Variants in FAT3 observed in about 807,000 individuals in gnomAD.
The protein encoded by FAT3 is protocadherin Fat 3.
In FAT3, 95 loss-of-function variants were observed where a neutral mutation model predicts 310.2. The ratio of observed to expected loss-of-function variants is 0.31; its 90% CI spans 0.26 to 0.36. FAT3 has a LOEUF of 0.36. Ranked by LOEUF, FAT3 falls within the 10% of genes least tolerant of loss-of-function variation. The pLI is 1.00. For synonymous variants in FAT3, 2,314 were observed against 2,192.9 expected, an observed-to-expected ratio of 1.06 and a Z score of -1.54; for missense variants, 5,408 against 5,715.6, an observed-to-expected ratio of 0.95 and a Z score of 1.74.
intron 3 of FAT3, among the ~76,000 whole-genome samples, chr11:92,591,036 T>TA (rs1939400792): frequency 6.6e-6 from 1 of 152,074 alleles, no homozygotes; most frequent in South Asian, 2.1e-4. Flanking sequence ...CTCAGTCAAA[T>TA]AAAAAATAGG....
intron 2 of FAT3, among the ~76,000 whole-genome samples, chr11:92,484,804 TA>T (rs1952327677): frequency 6.6e-6 from 1 of 152,236 alleles, no homozygotes; most frequent in African/African-American, 2.4e-5. Context: ...CCACCATTAA[TA>T]ATATTCTGCA....
At chr11:92,281,425 G>A (rs1240040340) in intron 1 of FAT3, among the ~76,000 whole-genome samples, 2 of 152,134 alleles carry the variant, frequency 1.3e-5, no homozygotes, top group African/African-American at 4.8e-5. Flanking sequence ...ACATGCAAAT[G>A]AGTTCAAGGA....
chr11:92,232,044 G>T (rs181858422), intron 1 of FAT3, among the ~76,000 whole-genome samples: 1 of 152,284 alleles, frequency 6.6e-6, no homozygotes, highest in Admixed American at 6.5e-5. Context: ...CTTAATGATA[G>T]CAGTTGCTGT....
At chr11:92,744,220 A>T (rs1945586695) in intron 4 of FAT3, among the ~76,000 whole-genome samples, 1 of 152,200 alleles carries the variant, frequency 6.6e-6, no homozygotes. Flanking sequence ...ATTTCTTTTG[A>T]TTCTTCTAAA....
In FAT3 at chr11:92,354,483, C is replaced by T; in HGVS notation, c.2371C>T (p.Arg791Ter). The T allele has an allele frequency of 6.2e-7, 1 of 1,613,760 alleles. No homozygotes were observed. The highest frequency in any genetic ancestry group is 8.5e-7 in the Non-Finnish European group (1 of 1,179,850). ...GQLKVLMPMD[R>*]EHTDLYLLNI... is the part of the protein sequence containing the mutation. ...GCTTAAAGTCCTTATGCCCATGGAT[C>T]GAGAACACACAGACCTCTATCTCCT... Residue 791 changes from arginine to a stop codon, truncating the protein, a stop_gained, in exon 2 of 28, where the codon CGA (arginine) becomes TGA (stop). Coordinates refer to ENST00000525166, the MANE Select transcript of FAT3 (RefSeq NM_001367949.2). LOFTEE classifies it high-confidence loss of function.
chr11:92,705,478 A>ATGG (rs1327061453), intron 4 of FAT3, among the ~76,000 whole-genome samples: 9 of 15,550 alleles, frequency 5.8e-4, no homozygotes, highest in South Asian at 2.6e-3. Flanking sequence ...TGGTGGTGTG[A>ATGG]TAGTGGTGTG....
At chr11:92,784,503 C>G (rs1350737950) in intron 7 of FAT3, among the ~76,000 whole-genome samples, 1 of 152,146 alleles carries the variant, frequency 6.6e-6, no homozygotes, top group Non-Finnish European at 1.5e-5. Flanking sequence ...TTGGCATCTA[C>G]CCAGACTTAG....
intron 3 of FAT3, among the ~76,000 whole-genome samples, chr11:92,626,443 G>T (rs112234933): frequency 5.9e-5 from 9 of 151,596 alleles, no homozygotes; most frequent in Admixed American, 5.9e-4. Flanking sequence ...TCAAGAAAAA[G>T]GGAATTTGAA....
chr11:92,357,999 A>AC (rs112115966), intron 2 of FAT3, among the ~76,000 whole-genome samples: 23,702 of 137,888 alleles, frequency 0.17, 4,104 homozygotes, highest in African/African-American at 0.46. Flanking sequence ...TGGAATTCCT[A>AC]AAAAAAAAAA....
rs904839904 is a variant in FAT3 at position 92,372,451 on chromosome 11, T to TA, written c.3292+17054dup. On this transcript the variant is annotated intron_variant, in intron 2 of 27. Transcript: ENST00000525166. The stretch of plus-strand genomic sequence containing the variant: ...ATTTTTTAAATCAAAAATAGAAAAT[T>TA]AAAAAAACAAAACAAAGCCCATAAA... 1.7e-4 allele frequency among the ~76,000 whole-genome samples: 26 copies of TA among 151,510 alleles called. 1 individual carries two copies. The highest frequency in any genetic ancestry group is 5.3e-4 in the African/African-American group (22 of 41,276).
intron 3 of FAT3, among the ~76,000 whole-genome samples, chr11:92,689,756 A>G (rs904460767): frequency 2.6e-5 from 4 of 152,114 alleles, no homozygotes; most frequent in Non-Finnish European, 5.9e-5. Flanking sequence ...GCATGCATGC[A>G]TGTGTGCATG....
At chr11:92,370,325 T>C (rs1949149138) in intron 2 of FAT3, among the ~76,000 whole-genome samples, 1 of 152,188 alleles carries the variant, frequency 6.6e-6, no homozygotes, top group Non-Finnish European at 1.5e-5. Context: ...AGAAACATTA[T>C]TTTGAGGTTG....
intron 3 of FAT3, among the ~76,000 whole-genome samples, chr11:92,643,918 T>C (rs1347661960): frequency 1.3e-5 from 2 of 152,258 alleles, no homozygotes; most frequent in African/African-American, 4.8e-5. Context: ...TCACACTAAG[T>C]AGATGCCTAG....
At chr11:92,751,586 TACCCCACA>T (rs1251534145) in intron 4 of FAT3, among the ~76,000 whole-genome samples, 1 of 152,150 alleles carries the variant, frequency 6.6e-6, no homozygotes, top group Non-Finnish European at 1.5e-5. Flanking sequence ...GTTGCAGCCA[TACCCCACA>T]ACCCAGTGGC....
intron 1 of FAT3, among the ~76,000 whole-genome samples, chr11:92,252,315 C>T (rs1865169532): frequency 6.6e-6 from 1 of 152,124 alleles, no homozygotes; most frequent in Admixed American, 6.6e-5. Flanking sequence ...TGTGTGTCTG[C>T]ATGAAGCAAG....
At chr11:92,644,332 C>A (rs1942070262) in intron 3 of FAT3, among the ~76,000 whole-genome samples, 1 of 152,180 alleles carries the variant, frequency 6.6e-6, no homozygotes, top group Non-Finnish European at 1.5e-5. Flanking sequence ...TGGATTTTGA[C>A]CCCTGGATCA....
In FAT3 at chr11:92,383,844, AGAGT is replaced by A. The variant is rs776678654; in HGVS notation, c.3292+28444_3292+28447del. The stretch of plus-strand genomic sequence containing the variant: ...TTTTTTTAAAAGGAAAGAATTAAAA[AGAGT>A]GAGAGAGAGAGAAAGGAAAATAAAA... On this transcript the variant is annotated intron_variant, in intron 2 of 27. Coordinates refer to ENST00000525166, the MANE Select transcript of FAT3 (RefSeq NM_001367949.2). Among the ~76,000 whole-genome samples, 261 of 152,330 alleles carry A rather than the reference AGAGT, an allele frequency of 1.7e-3. 1 individual carries two copies. Among genetic ancestry groups the A allele is most frequent in the Non-Finnish European group, 2.9e-3 (198 of 68,038 alleles).
intron 4 of FAT3, among the ~76,000 whole-genome samples, chr11:92,730,025 A>T (rs1195517926): frequency 6.6e-6 from 1 of 152,164 alleles, no homozygotes; most frequent in Admixed American, 6.5e-5. Context: ...CATAAAACAT[A>T]CATAACATAT....
At chr11:92,679,396 A>G (rs981711312) in intron 3 of FAT3, among the ~76,000 whole-genome samples, 11 of 151,978 alleles carry the variant, frequency 7.2e-5, no homozygotes, top group African/African-American at 2.7e-4. Context: ...TATAATGGCT[A>G]AACTAATATA....
Sources: gnomAD v4.1 joint callset for allele counts (sites outside exome capture counted in the v4.1 genomes callset) on GRCh38, gnomAD v4.1.1 for gene constraint, MANE v1.5 for transcripts, NCBI Gene and HGNC (gene_info 2026-07-23, HGNC 2026-07-21) for gene names.